Variants in SNURF observed in about 807,000 individuals in gnomAD.
SNURF encodes SNRPN upstream open reading frame.
SNURF carries 6 observed loss-of-function variants against 11.6 expected under a neutral mutation model. That is an observed-to-expected ratio of 0.52 (90% CI 0.28 to 1.02). SNURF has a LOEUF of 1.02. Among genes scored for constraint, SNURF ranks in the 50% least tolerant of loss-of-function variants. SNURF has a pLI of 0.09. For synonymous variants in SNURF, 29 were observed against 31.6 expected (o/e 0.92, Z 0.27); for missense variants, 84 against 88.4 (o/e 0.95, Z 0.20).
At chr15:24,963,617 G>GA (rs796727910) in intron 2 of SNURF, among the ~76,000 whole-genome samples, 10,024 of 131,298 alleles carry the variant, frequency 0.076, 824 homozygotes, top group African/African-American at 0.21. Flanking sequence ...TCCATCTCAG[G>GA]AAAAAAAAAA....
chr15:24,960,341 G>A (rs1417667766), intron 1 of SNURF, among the ~76,000 whole-genome samples: 1 of 152,000 alleles, frequency 6.6e-6, no homozygotes, highest in Non-Finnish European at 1.5e-5. Flanking sequence ...GCATTTCAGT[G>A]GGGGTTTTTT....
intron 1 of SNURF, among the ~76,000 whole-genome samples, chr15:24,961,757 G>C (rs1025300517): frequency 1.3e-5 from 2 of 152,058 alleles, no homozygotes; most frequent in African/African-American, 4.8e-5. Flanking sequence ...CAGGTTTACT[G>C]TTTTTGGGGG....
chr15:24,971,736 GT>G (rs2076434630), downstream of SNURF, among the ~76,000 whole-genome samples: 1 of 152,066 alleles, frequency 6.6e-6, no homozygotes, highest in African/African-American at 2.4e-5. Context: ...GCATAAATGG[GT>G]TAAAAACGGC....
At chr15:24,974,979 A>G (rs980996523) in intron 3 of SNURF, 15 of 702,908 alleles carry the variant, frequency 2.1e-5, no homozygotes, top group African/African-American at 2.1e-4. Flanking sequence ...ATAGAAATAA[A>G]GAGGGCTTTG....
At chr15:24,974,712 A>G in intron 3 of SNURF, 1 of 608,542 alleles carries the variant, frequency 1.6e-6, no homozygotes, top group Non-Finnish European at 2.9e-6. Flanking sequence ...CCCTGGGTTC[A>G]AGAGATTCTC....
intron 2 of SNURF, among the ~76,000 whole-genome samples, chr15:24,965,387 A>T (rs1353397061): frequency 6.6e-6 from 1 of 152,102 alleles, no homozygotes; most frequent in African/African-American, 2.4e-5. Context: ...AAATAAAAAA[A>T]TCAGCCGGGT....
chr15:24,956,954 C>T (rs1398164683), intron 1 of SNURF, among the ~76,000 whole-genome samples: 4 of 152,194 alleles, frequency 2.6e-5, no homozygotes, highest in Non-Finnish European at 5.9e-5. Flanking sequence ...TTTCAGCAAG[C>T]CTCCATTAAT....
intron 3 of SNURF, chr15:24,974,196 A>G: frequency 2.0e-6 from 1 of 509,092 alleles, no homozygotes; most frequent in Non-Finnish European, 3.5e-6. Context: ...GGAAGCTAGT[A>G]TGAGAGGAAG....
downstream of SNURF, chr15:24,978,350 G>T (rs1251736272): frequency 5.6e-6 from 9 of 1,613,984 alleles, no homozygotes; most frequent in Non-Finnish European, 7.6e-6. Context: ...TGATGGTTCA[G>T]CCAGGCCCCT....
chr15:24,955,048 G>T (rs749134956), exon 1 of SNURF: 28 of 1,613,254 alleles, frequency 1.7e-5, no homozygotes. Flanking sequence ...TCAGTGACGC[G>T]ATGGAGCGGG....
downstream of SNURF, chr15:24,978,335 G>A (rs1043099236): frequency 8.7e-6 from 14 of 1,613,928 alleles, no homozygotes; most frequent in Admixed American, 3.3e-5. Flanking sequence ...GGGAGCATAG[G>A]GGTTTGATGG....
At chr15:24,978,636 A>C (rs1410095636), downstream of SNURF, 1 of 620,956 alleles carries the variant, frequency 1.6e-6, no homozygotes, top group African/African-American at 1.8e-5. Flanking sequence ...ATCTTAAGTT[A>C]CTGTGGATGA....
chr15:24,963,673 AAT>A (rs1322638747), intron 2 of SNURF, among the ~76,000 whole-genome samples: 1 of 151,716 alleles, frequency 6.6e-6, no homozygotes, highest in Non-Finnish European at 1.5e-5. Flanking sequence ...ATTTTTTTCA[AAT>A]TAAAGGTTTT....
chr15:24,976,324 C>G, exon 5 of SNURF: 1 of 1,613,556 alleles, frequency 6.2e-7, no homozygotes, highest in Non-Finnish European at 8.5e-7. Context: ...TGCGAAGCAA[C>G]CAGAGCGTGA....
downstream of SNURF, among the ~76,000 whole-genome samples, chr15:24,969,043 C>T (rs1201927183): frequency 3.9e-5 from 6 of 152,138 alleles, no homozygotes; most frequent in Non-Finnish European, 1.5e-5. Context: ...TAAATTCCTT[C>T]TAGCCTTTTT....
intron 2 of SNURF, among the ~76,000 whole-genome samples, chr15:24,963,717 G>T (rs778322992): frequency 2.6e-5 from 4 of 151,966 alleles, no homozygotes; most frequent in African/African-American, 4.8e-5. Context: ...AGTAGTTTGT[G>T]TGTCTTTTGT....
At position 24,961,261 on chromosome 15, in the gene SNURF, G is replaced by A. The variant is rs79027669; in HGVS notation, c.15-853G>A. Among the ~76,000 whole-genome samples, 530 of 152,262 alleles carry A rather than the reference G, an allele frequency of 3.5e-3. 2 individuals carry two copies. The highest frequency in any genetic ancestry group is 0.012 in the African/African-American group (493 of 41,546). ...TCTTGAAAGAATAAAACAGCTGTGC[G>A]TTATTGGTAAGCTATTTTACCAATC... On this transcript the variant is annotated intron_variant, in intron 1 of 2. Transcript: ENST00000577949.
chr15:24,958,920 G>A (rs2074321931), intron 1 of SNURF: 2 of 153,070 alleles, frequency 1.3e-5, no homozygotes, highest in Non-Finnish European at 2.9e-5. Flanking sequence ...GTCTCCTTAT[G>A]TTGCCCAGAC....
At chr15:24,958,037 A>C (rs961945098) in intron 1 of SNURF, among the ~76,000 whole-genome samples, 4 of 152,124 alleles carry the variant, frequency 2.6e-5, no homozygotes, top group Admixed American at 2.0e-4. Context: ...GTTGTTGTCT[A>C]AGGCAGGGTA....
Sources: gnomAD v4.1 joint callset for allele counts (sites outside exome capture counted in the v4.1 genomes callset) on GRCh38, gnomAD v4.1.1 for gene constraint, MANE v1.5 for transcripts, NCBI Gene and HGNC (gene_info 2026-07-23, HGNC 2026-07-21) for gene names.